Variants in HIPK4 observed in about 807,000 individuals in gnomAD.
HIPK4 encodes homeodomain-interacting protein kinase 4.
HIPK4 carries 26 observed loss-of-function variants against 44.8 expected under a neutral mutation model. That is an observed-to-expected ratio of 0.58 (90% CI 0.43 to 0.80). The LOEUF (loss-of-function observed/expected upper bound fraction) is 0.80. Ranked by LOEUF, HIPK4 falls within the 30% of genes least tolerant of loss-of-function variation. The pLI is 0.00. For missense variants in HIPK4, 729 were observed against 862.6 expected (o/e 0.85, Z 1.94); for synonymous variants, 340 against 355.5 (o/e 0.96, Z 0.49).
Position 40,380,177 on chromosome 19 carries a change from G to T in HIPK4, c.1668+146C>A. ...CATATCTTGACGGTATTAGGTGTGT[G>T]CTGAGCCTCCTAAGTCCCTAATTGT... On this transcript the variant is annotated intron_variant, in intron 3 of 3. Coordinates refer to ENST00000291823, the MANE Select transcript of HIPK4 (RefSeq NM_144685.5). The surrounding 1 kb of genome is among the most constrained non-coding windows in gnomAD (Gnocchi z 4.2). 9.2e-7 allele frequency: 1 copy of T among 1,082,534 alleles called. No individual in the cohort carries two copies. Among genetic ancestry groups the T allele is most frequent in the Non-Finnish European group, 1.3e-6 (1 of 755,758 alleles). The allele number at this position is 1,082,534 out of a possible 1,614,324, so 67.1% of individuals were successfully genotyped here.
At chr19:40,384,552 G>A (rs1023884511) in intron 1 of HIPK4, among the ~76,000 whole-genome samples, 9 of 147,954 alleles carry the variant, frequency 6.1e-5, no homozygotes, top group Admixed American at 2.0e-4. Context: ...TGACCCACCC[G>A]CCTCGGCCTC....
chr19:40,382,428 C>T (rs566022953), intron 2 of HIPK4, among the ~76,000 whole-genome samples: 1 of 152,272 alleles, frequency 6.6e-6, no homozygotes, highest in South Asian at 2.1e-4. Flanking sequence ...AATCTCAGAC[C>T]TCATATATTC....
rs1178373072 is a variant in HIPK4 at position 40,389,627 on chromosome 19, C to T, written c.276G>A (p.Leu92=). Residue 92 remains leucine, a synonymous_variant, in exon 1 of 4, where the codon CTG becomes CTA. Transcript: ENST00000291823. This position sits in a 1 kb window ranked among gnomAD's most constrained non-coding sequence, Gnocchi z 4.6. The part of the protein sequence containing the change: ...ALKFYLVFEL[L]EQNLFEFQKE... ...TCTGGAACTCGAAAAGGTTTTGCTCCAGCAGCTCAAAGACCAGGTAGAACT... is the reference window on the plus strand; with the variant it reads ...TCTGGAACTCGAAAAGGTTTTGCTCTAGCAGCTCAAAGACCAGGTAGAACT... 5 of 1,614,142 alleles carry T rather than the reference C, an allele frequency of 3.1e-6. No homozygotes were observed. The Admixed American group carries it at 6.7e-5, about 22-fold the overall frequency.
At chr19:40,381,714 C>G (rs1469824089) in intron 2 of HIPK4, among the ~76,000 whole-genome samples, 1 of 148,220 alleles carries the variant, frequency 6.7e-6, no homozygotes, top group Non-Finnish European at 1.5e-5. Flanking sequence ...ATGGGAGGGG[C>G]AAAGCCACAG....
At chr19:40,384,411 C>A (rs760087361) in intron 1 of HIPK4, among the ~76,000 whole-genome samples, 6 of 152,190 alleles carry the variant, frequency 3.9e-5, no homozygotes, top group Non-Finnish European at 5.9e-5. Context: ...TCAAGCGATT[C>A]TCCTGCCTTA....
At chr19:40,386,351 C>G (rs2079363236) in intron 1 of HIPK4, among the ~76,000 whole-genome samples, 1 of 152,116 alleles carries the variant, frequency 6.6e-6, no homozygotes, top group African/African-American at 2.4e-5. Context: ...GCCACGGCGC[C>G]CAGCCCTTTT....
rs140217358 is a variant in HIPK4 at position 40,389,837 on chromosome 19, G to A, written c.66C>T (p.Phe22=). ...DIIEVLGKGT[F]GEVAKGWRRS... is the part of the protein sequence containing the mutation. ...GCCGCCAGCCCTTGGCTACCTCCCC[G>A]AAGGTCCCCTTGCCCAAGACCTCGA... The change falls in exon 1 of 4, where the codon TTC becomes TTT. Residue 22 remains phenylalanine (F), a synonymous_variant. Coordinates refer to ENST00000291823, the MANE Select transcript of HIPK4 (RefSeq NM_144685.5). This position sits in a 1 kb window ranked among gnomAD's most constrained non-coding sequence, Gnocchi z 4.6. 119 of 1,613,666 alleles carry A rather than the reference G, an allele frequency of 7.4e-5. 1 individual carries two copies. In the Middle Eastern group the frequency reaches 8.2e-4, roughly 11 times the overall value.
In HIPK4 at chr19:40,389,987, CAGCA is replaced by C; in HGVS notation, c.-89_-86del. The C allele has an allele frequency of 9.6e-7, 1 of 1,046,074 alleles. No individual in the cohort carries two copies. The highest frequency in any genetic ancestry group is 2.5e-5 in the East Asian group (1 of 39,292). The allele number at this position is 1,046,074 out of a possible 1,614,324, so 64.8% of individuals were successfully genotyped here. ...CAGGCCTCCCGCCTGGCTGCTGACA[CAGCA>C]GGCCCCCCAGTGGGGGAAAGAGAAC... On this transcript the variant is annotated 5_prime_UTR_variant, in exon 1 of 4. Coordinates refer to ENST00000291823, the MANE Select transcript of HIPK4 (RefSeq NM_144685.5). The surrounding 1 kb of genome is among the most constrained non-coding windows in gnomAD (Gnocchi z 4.6).
In HIPK4 at chr19:40,379,721, G is replaced by C; in HGVS notation, c.1717C>G (p.Leu573Val). Reference sequence around the variant, plus strand: ...TCCAGGGTGCAGTCTGGCTCACTCAGCCATTCTCCAGGACAGCTGCTGGGG... The same window carrying C: ...TCCAGGGTGCAGTCTGGCTCACTCACCCATTCTCCAGGACAGCTGCTGGGG... The part of the protein sequence containing the change: ...FDPSSCPGEW[L>V]SEPDCTLESV... Residue 573 changes from leucine to valine, a missense_variant, in exon 4 of 4, where the codon CTG becomes GTG. Leu to Val is a conservative substitution (Grantham distance 32). Coordinates refer to ENST00000291823, the MANE Select transcript of HIPK4 (RefSeq NM_144685.5). 1 of 1,611,472 alleles carries C rather than the reference G, an allele frequency of 6.2e-7. No individual in the cohort carries two copies. Among genetic ancestry groups the C allele is most frequent in the Non-Finnish European group, 8.5e-7 (1 of 1,179,330 alleles).
intron 3 of HIPK4, among the ~76,000 whole-genome samples, 182 bp from the exon 4 acceptor site, chr19:40,379,951 A>G (rs1007714456): frequency 7.9e-5 from 12 of 152,298 alleles, no homozygotes; most frequent in African/African-American, 2.9e-4. Context: ...CCCTGGCTCA[A>G]GTGATCCTCC....
chr19:40,379,633 G>C lies in HIPK4; in HGVS notation c.1805C>G (p.Pro602Arg). 1 of 1,555,796 alleles carries C rather than the reference G, an allele frequency of 6.4e-7. No individual in the cohort carries two copies. Among genetic ancestry groups the C allele is most frequent in the Non-Finnish European group, 8.7e-7 (1 of 1,152,306 alleles). Reference sequence around the variant, plus strand: ...CTGGAGGAAGCTGGTGGCCCCCCGGGGTGGACCATGCTGGTGGGAGCGGCG... The same window carrying C: ...CTGGAGGAAGCTGGTGGCCCCCCGGCGTGGACCATGCTGGTGGGAGCGGCG... ...PPRRSHQHGP[P>R]RGATSFLQHV... The change falls in exon 4 of 4, where the codon CCC (proline) becomes CGC (arginine). Residue 602 changes from proline to arginine, a missense_variant. Around this residue, in one of 2 missense-constraint regions of HIPK4, gnomAD observed 533 missense variants for 567.5 expected, o/e 0.94. Coordinates refer to ENST00000291823, the MANE Select transcript of HIPK4 (RefSeq NM_144685.5).
In HIPK4 at chr19:40,389,367, C is replaced by A; in HGVS notation, c.465+71G>T. ...AATTTTAAAAAATTAAAAAAAAAAT[C>A]TAGGGCTGGAAGAAGCTGGGAAAAA... is the stretch of plus-strand genomic sequence containing the variant. On this transcript the variant is annotated intron_variant, in intron 1 of 3. Transcript: ENST00000291823. This position sits in a 1 kb window ranked among gnomAD's most constrained non-coding sequence, Gnocchi z 4.6. The A allele has an allele frequency of 2.7e-6, 2 of 734,754 alleles. No individual in the cohort carries two copies. Among genetic ancestry groups the A allele is most frequent in the Non-Finnish European group, 2.0e-6 (1 of 512,700 alleles). 45.5% of individuals were successfully genotyped at this position (734,754 alleles called of 1,614,324 possible).
At chr19:40,379,929 C>G (rs536043535) in intron 3 of HIPK4, among the ~76,000 whole-genome samples, 160 bp from the exon 4 acceptor site, 1 of 152,310 alleles carries the variant, frequency 6.6e-6, no homozygotes, top group Non-Finnish European at 1.5e-5. Flanking sequence ...CAGCTCACTG[C>G]AGCCTCGACC....
At position 40,379,773 on chromosome 19, in the gene HIPK4, T is replaced by G. The variant is rs777528653; in HGVS notation, c.1669-4A>C. 8 of 1,607,308 alleles carry G rather than the reference T, an allele frequency of 5.0e-6. No homozygotes were observed. Among genetic ancestry groups the G allele is most frequent in the East Asian group, 2.2e-5 (1 of 44,744 alleles). On this transcript the variant is annotated splice_region_variant and splice_polypyrimidine_tract_variant and intron_variant, in intron 3 of 3. Coordinates refer to ENST00000291823, the MANE Select transcript of HIPK4 (RefSeq NM_144685.5). ...CGAAGAGCTCAGGGTCTGGCCTCTG[T>G]GGGGGAAGAGAGAGGGGCATCAGCC...
In HIPK4 at chr19:40,389,683, G is replaced by A. The variant is rs369248074; in HGVS notation, c.220C>T (p.Arg74Cys). The change falls in exon 1 of 4, where the codon CGC (arginine) becomes TGC (cysteine). Residue 74 changes from arginine to cysteine, a missense_variant. Physicochemically the swap from Arg to Cys is radical, Grantham distance 180. This residue lies in a region of HIPK4 where 196 missense variants were observed against 295.1 expected (regional missense o/e 0.66). Transcript: ENST00000291823. This position sits in a 1 kb window ranked among gnomAD's most constrained non-coding sequence, Gnocchi z 4.6. ...GCGTCATGGAAGAACTCAAGGAAGC[G>A]GATGACGTGGGCCTCTTCAGGGTCT... ...GLDPEEAHVI[R>C]FLEFFHDALK... 4.0e-5 allele frequency: 65 copies of A among 1,614,060 alleles called. 1 individual carries two copies. The highest frequency in any genetic ancestry group is 4.7e-5 in the Non-Finnish European group (56 of 1,180,008).
intron 1 of HIPK4, among the ~76,000 whole-genome samples, chr19:40,385,133 C>T (rs1015126523): frequency 1.3e-5 from 2 of 152,204 alleles, no homozygotes; most frequent in African/African-American, 4.8e-5. Flanking sequence ...ATCCTGCATC[C>T]TTTCCAACCT....
At position 40,379,752 on chromosome 19, in the gene HIPK4, G is replaced by T. The variant is rs758920435; in HGVS notation, c.1686C>A (p.Leu562=). The change falls in exon 4 of 4, where the codon CTC becomes CTA. Residue 562 remains leucine (L), a synonymous_variant. Transcript: ENST00000291823. ...TMEAERPDPE[L]FDPSSCPGEW... ...CTCCAGGACAGCTGCTGGGGTCGAA[G>T]AGCTCAGGGTCTGGCCTCTGTGGGG... 5.0e-6 allele frequency: 8 copies of T among 1,612,340 alleles called. No individual in the cohort carries two copies. The highest frequency in any genetic ancestry group is 6.8e-6 in the Non-Finnish European group (8 of 1,179,542).
Position 40,381,145 on chromosome 19 carries a change from C to A in HIPK4, c.846G>T (p.Lys282Asn), listed in dbSNP as rs201281781. The A allele has an allele frequency of 1.9e-6, 3 of 1,600,426 alleles. No homozygotes were observed. The highest frequency in any genetic ancestry group is 2.5e-6 in the Non-Finnish European group (3 of 1,177,746). Residue 282 changes from lysine (K) to asparagine (N), a missense_variant, in exon 3 of 4, where the codon AAG becomes AAT. Coordinates refer to ENST00000291823, the MANE Select transcript of HIPK4 (RefSeq NM_144685.5). ...ETKVRPLERR[K>N]YMLKSLDQIE... is the part of the protein sequence containing the mutation. The stretch of plus-strand genomic sequence containing the variant: ...TCTGGTCCAACGACTTGAGCATATA[C>A]TTGCGGCGCTCCAATGGGCGCACCT...
chr19:40,381,545 C>T (rs758156905), intron 2 of HIPK4, among the ~76,000 whole-genome samples: 2 of 152,196 alleles, frequency 1.3e-5, no homozygotes, highest in African/African-American at 2.4e-5. Flanking sequence ...AACCCAGACC[C>T]TTCTTGCTAT....
Sources: gnomAD v4.1 joint callset for allele counts (sites outside exome capture counted in the v4.1 genomes callset) on GRCh38, gnomAD v4.1.1 for gene constraint, gnomAD v4.1.1 regional missense constraint, Gnocchi (gnomAD v3.1) non-coding constraint, MANE v1.5 for transcripts, NCBI Gene and HGNC (gene_info 2026-07-23, HGNC 2026-07-21) for gene names.